The following LRGUK variants were observed in gnomAD, a reference collection of about 807,000 sequenced individuals.
LRGUK encodes leucine rich repeats and guanylate kinase domain containing.
Under a neutral mutation model 76.0 loss-of-function variants are expected in LRGUK, and 65 were observed. The observed-to-expected ratio is 0.85, with a 90% confidence interval of 0.70 to 1.05. The LOEUF is 1.05. LRGUK is among the 50% of genes least tolerant of loss of function. LRGUK has a pLI of 0.00. For missense variants in LRGUK, 758 were observed against 732.8 expected (o/e 1.03, Z -0.40); for synonymous variants, 268 against 265.6 (o/e 1.01, Z -0.09).
chr7:134,221,528 A>G (rs1035457210), intron 15 of LRGUK, among the ~76,000 whole-genome samples: 14 of 152,112 alleles, frequency 9.2e-5, no homozygotes, highest in African/African-American at 3.4e-4. Context: ...TTTTGATTTT[A>G]TTTATAAGCC....
chr7:134,178,341 A>C (rs1215595101), intron 9 of LRGUK, among the ~76,000 whole-genome samples, 162 bp from the exon 10 acceptor site: 1 of 152,182 alleles, frequency 6.6e-6, no homozygotes, highest in Non-Finnish European at 1.5e-5. Context: ...GGAAAATTAG[A>C]GTAGACATGA....
chr7:134,245,133 T>C (rs1245298670), intron 16 of LRGUK, among the ~76,000 whole-genome samples: 2 of 152,148 alleles, frequency 1.3e-5, no homozygotes, highest in South Asian at 4.1e-4. Context: ...CATGTATACA[T>C]ATGTAACAAA....
intron 11 of LRGUK, among the ~76,000 whole-genome samples, chr7:134,189,592 T>C (rs530200509): frequency 6.6e-6 from 1 of 152,352 alleles, no homozygotes; most frequent in South Asian, 2.1e-4. Flanking sequence ...GTTTTGTCTT[T>C]CTTTGAGGTA....
intron 8 of LRGUK, among the ~76,000 whole-genome samples, chr7:134,175,547 AAG>A (rs1260669022): frequency 1.3e-5 from 2 of 152,210 alleles, no homozygotes; most frequent in Non-Finnish European, 2.9e-5. Flanking sequence ...ATGCATGAAT[AAG>A]CATCACAAGC....
At chr7:134,190,948 T>TTCTGGGGATAGACAGGAGTTGAGC (rs1554467160) in intron 11 of LRGUK, among the ~76,000 whole-genome samples, 1 of 41,738 alleles carries the variant, frequency 2.4e-5, no homozygotes, top group Non-Finnish European at 5.9e-5. Context: ...TTGAGCGGTG[T>TTCTGGGGATAGACAGGAGTTGAGC]GGTGGGATGG....
At chr7:134,230,132 T>C (rs1421355595) in intron 16 of LRGUK, among the ~76,000 whole-genome samples, 2 of 152,076 alleles carry the variant, frequency 1.3e-5, no homozygotes, top group South Asian at 2.1e-4. Context: ...GCCGTAACTA[T>C]AACCAACAAA....
chr7:134,219,250 T>A (rs376954272), intron 15 of LRGUK, among the ~76,000 whole-genome samples: 4 of 152,198 alleles, frequency 2.6e-5, no homozygotes, highest in African/African-American at 7.2e-5. Context: ...AAAGTCTTTA[T>A]TGTAGGAGTT....
intron 16 of LRGUK, among the ~76,000 whole-genome samples, chr7:134,245,230 G>T (rs1220857728): frequency 6.6e-6 from 1 of 152,016 alleles, no homozygotes; most frequent in Non-Finnish European, 1.5e-5. Flanking sequence ...TAAATAAAAA[G>T]TTCCTATGAC....
exon 12 of LRGUK, chr7:134,191,686 G>A: frequency 6.2e-7 from 1 of 1,612,936 alleles, no homozygotes; most frequent in Non-Finnish European, 8.5e-7. Context: ...ACCTTACTTT[G>A]GAGAAGGGGA....
chr7:134,183,968 T>C (rs1799872367), intron 11 of LRGUK, 115 bp downstream of exon 11: 2 of 1,361,806 alleles, frequency 1.5e-6, no homozygotes, highest in Non-Finnish European at 2.0e-6. Flanking sequence ...TTTTAAGCAA[T>C]TTCAGAAATG....
At chr7:134,130,274 G>C (rs1376478199) in intron 1 of LRGUK, among the ~76,000 whole-genome samples, 4 of 152,028 alleles carry the variant, frequency 2.6e-5, no homozygotes, top group Non-Finnish European at 5.9e-5. Context: ...TGTTTGTATG[G>C]TTTCCACCAG....
chr7:134,163,622 T>C (rs1798852108), intron 7 of LRGUK, 82 bp downstream of exon 7: 2 of 1,331,422 alleles, frequency 1.5e-6, no homozygotes, highest in Admixed American at 2.3e-5. Context: ...CCTTCATTTT[T>C]GGTTTCTTAA....
exon 20 of LRGUK, chr7:134,264,211 A>T: frequency 2.7e-6 from 1 of 375,096 alleles, no homozygotes; most frequent in Non-Finnish European, 4.6e-6. Flanking sequence ...GAGTTTTTTT[A>T]ATGTGAGTTA....
intron 6 of LRGUK, among the ~76,000 whole-genome samples, chr7:134,160,659 G>A (rs1437180246): frequency 6.6e-6 from 1 of 152,154 alleles, no homozygotes; most frequent in East Asian, 1.9e-4. Context: ...TCACTAATGG[G>A]CTGTTCTGTC....
chr7:134,203,229 T>G (rs1800861227), intron 15 of LRGUK, among the ~76,000 whole-genome samples: 1 of 152,114 alleles, frequency 6.6e-6, no homozygotes, highest in Non-Finnish European at 1.5e-5. Flanking sequence ...AGATAGTCAA[T>G]GTTGTGTTAT....
chr7:134,236,462 G>C (rs2117184094), intron 16 of LRGUK, among the ~76,000 whole-genome samples: 1 of 152,284 alleles, frequency 6.6e-6, no homozygotes, highest in South Asian at 2.1e-4. Context: ...TGTTTAGACT[G>C]TAGCATCTCC....
chr7:134,256,904 C>T (rs1315018484), intron 18 of LRGUK, among the ~76,000 whole-genome samples: 1 of 152,150 alleles, frequency 6.6e-6, no homozygotes, highest in Non-Finnish European at 1.5e-5. Flanking sequence ...ATCTCCTGAA[C>T]CTCCTCAGTG....
intron 5 of LRGUK, among the ~76,000 whole-genome samples, chr7:134,156,646 T>A (rs1046237249): frequency 1.3e-5 from 2 of 152,164 alleles, no homozygotes; most frequent in African/African-American, 4.8e-5. Context: ...TAAATAAGTT[T>A]TGTTTATAGT....
At chr7:134,249,277 T>C (rs1483323298) in intron 18 of LRGUK, among the ~76,000 whole-genome samples, 3 of 152,166 alleles carry the variant, frequency 2.0e-5, no homozygotes, top group Non-Finnish European at 2.9e-5. Context: ...TGGAAGCTTT[T>C]ATCTGGGACC....
Sources: gnomAD v4.1 joint callset for allele counts (sites outside exome capture counted in the v4.1 genomes callset) on GRCh38, gnomAD v4.1.1 for gene constraint, MANE v1.5 for transcripts, NCBI Gene and HGNC (gene_info 2026-07-23, HGNC 2026-07-21) for gene names.